The following RNF157 variants were observed in gnomAD, a reference collection of about 807,000 sequenced individuals.
RNF157 encodes ring finger protein 157.
RNF157 carries 55 observed loss-of-function variants against 88.3 expected under a neutral mutation model. That is an observed-to-expected ratio of 0.62 (90% confidence interval 0.50 to 0.78). The LOEUF (loss-of-function observed/expected upper bound fraction) is 0.78, where lower values mean the gene tolerates loss of function less well. Among genes scored for constraint, RNF157 ranks in the 30% least tolerant of loss-of-function variants. The probability of loss-of-function intolerance (pLI) is 0.00; values close to 1 mark genes in which losing one functional copy is unlikely to be tolerated. For missense variants in RNF157, 788 were observed against 860.8 expected, an observed-to-expected ratio of 0.92 and a Z score of 1.06; for synonymous variants, 334 against 341.2, an observed-to-expected ratio of 0.98 and a Z score of 0.23.
intron 1 of RNF157, among the ~76,000 whole-genome samples, chr17:76,230,855 AAAAAGAGAG>A (rs2070175592): frequency 1.1e-5 from 1 of 92,422 alleles, no homozygotes; most frequent in Non-Finnish European, 2.1e-5. Context: ...AAAAAAAAAA[AAAAAGAGAG>A]AGAGAGAGAG....
rs370701115 is a variant in RNF157 at position 76,161,496 on chromosome 17, A to G, written c.1065+39T>C. On this transcript the variant is annotated intron_variant, in intron 11 of 18. Coordinates refer to ENST00000269391, the MANE Select transcript of RNF157 (RefSeq NM_052916.3). This position sits in a 1 kb window ranked among gnomAD's most constrained non-coding sequence, Gnocchi z 4.6. ...AAAAGTTTAAAAAAGCCAATGAGGCATTTGCTTCAGAGGGGCCGTGGTTCC... is the reference window on the plus strand; with the variant it reads ...AAAAGTTTAAAAAAGCCAATGAGGCGTTTGCTTCAGAGGGGCCGTGGTTCC... 24 of 1,474,802 alleles carry G rather than the reference A, an allele frequency of 1.6e-5. No individual in the cohort carries two copies. In the African/African-American group the frequency reaches 3.2e-4, roughly 20 times the overall value. 91.4% of individuals were successfully genotyped at this position (1,474,802 alleles called of 1,614,324 possible).
intron 2 of RNF157, among the ~76,000 whole-genome samples, chr17:76,175,078 C>T (rs923368294): frequency 2.0e-5 from 3 of 152,134 alleles, no homozygotes; most frequent in Admixed American, 6.5e-5. Context: ...TCCATCCGTC[C>T]GTCTATCCAT....
chr17:76,151,088 C>T lies in RNF157; in HGVS notation c.1921+1267G>A, dbSNP rs139683475. Among the ~76,000 whole-genome samples the T allele has an allele frequency of 8.4e-3, 1,275 of 152,314 alleles. 6 individuals carry two copies. Among genetic ancestry groups the T allele is most frequent in the Admixed American group, 0.012 (182 of 15,302 alleles). ...TGGGCCCCAGCAGCTCCAGTCCAGG[C>T]CTAACTGGCAGGAGGCTGGCCCCGT... On this transcript the variant is annotated intron_variant, in intron 18 of 18. Transcript: ENST00000269391.
intron 2 of RNF157, among the ~76,000 whole-genome samples, chr17:76,199,019 C>T (rs1219521022): frequency 6.6e-6 from 1 of 152,214 alleles, no homozygotes; most frequent in Admixed American, 6.5e-5. Context: ...GACTGCATTT[C>T]ATCGGTATTT....
intron 16 of RNF157, 166 bp from the exon 17 acceptor site, chr17:76,154,494 A>C: frequency 1.6e-6 from 1 of 630,594 alleles, no homozygotes; most frequent in Non-Finnish European, 2.9e-6. Context: ...GTAGAGGCAG[A>C]TCTTGCTTGG....
intron 2 of RNF157, among the ~76,000 whole-genome samples, chr17:76,206,033 C>A (rs1478476727): frequency 6.6e-6 from 1 of 152,110 alleles, no homozygotes; most frequent in African/African-American, 2.4e-5. Context: ...AGTTTGAGAC[C>A]AGCCTGGGCT....
At chr17:76,203,475 G>A (rs2069622393) in intron 2 of RNF157, among the ~76,000 whole-genome samples, 1 of 139,292 alleles carries the variant, frequency 7.2e-6, no homozygotes, top group South Asian at 2.3e-4. Context: ...TTTTTGAGAT[G>A]GAGTCTTGCT....
chr17:76,155,353 A>G, intron 15 of RNF157, 36 bp from the exon 16 acceptor site: 1 of 1,605,806 alleles, frequency 6.2e-7, no homozygotes. Flanking sequence ...GCTCTTCCAT[A>G]AAGGTCTCGT....
rs550585055 is a variant in RNF157, at chr17:76,179,170, G to T, written c.208-5380C>A. On this transcript the variant is annotated intron_variant, in intron 2 of 18. Coordinates refer to ENST00000269391, the MANE Select transcript of RNF157 (RefSeq NM_052916.3). ...GCATTTTGGGAGGCTGAGGCAGAAA[G>T]ATCGCTTGAGCTTAGGAGTTTTGAG... Among the ~76,000 whole-genome samples the T allele has an allele frequency of 8.5e-5, 13 of 152,188 alleles. No individual in the cohort carries two copies. In the East Asian group the frequency reaches 2.5e-3, roughly 29 times the overall value.
intron 2 of RNF157, among the ~76,000 whole-genome samples, chr17:76,210,636 CA>C (rs952795770): frequency 3.6e-5 from 5 of 140,528 alleles, no homozygotes; most frequent in African/African-American, 1.3e-4. Flanking sequence ...CAATGAAAAC[CA>C]AAAAAATAAT....
chr17:76,179,513 C>A (rs575312972), intron 2 of RNF157, among the ~76,000 whole-genome samples: 1 of 151,912 alleles, frequency 6.6e-6, no homozygotes, highest in Non-Finnish European at 1.5e-5. Context: ...GCCAACATAG[C>A]GAAACCCCAT....
At chr17:76,145,397 C>A (rs1212510960) in intron 18 of RNF157, 44 bp from the exon 19 acceptor site, 2 of 1,494,714 alleles carry the variant, frequency 1.3e-6, no homozygotes, top group Non-Finnish European at 1.9e-6. Flanking sequence ...GACCTTTGGC[C>A]AAATCCAGAT....
At chr17:76,225,202 CAT>C (rs2070059276) in intron 1 of RNF157, among the ~76,000 whole-genome samples, 2 of 149,680 alleles carry the variant, frequency 1.3e-5, no homozygotes, top group Non-Finnish European at 3.0e-5. Context: ...AAAAATATTA[CAT>C]GTTAGGTGCA....
chr17:76,148,080 C>T (rs1598380656), intron 18 of RNF157, among the ~76,000 whole-genome samples: 1 of 152,022 alleles, frequency 6.6e-6, no homozygotes, highest in Admixed American at 6.6e-5. Flanking sequence ...TTCCTTAGTG[C>T]CCACAAAGTG....
At chr17:76,214,233 C>T (rs2069850814) in intron 1 of RNF157, among the ~76,000 whole-genome samples, 1 of 152,152 alleles carries the variant, frequency 6.6e-6, no homozygotes, top group South Asian at 2.1e-4. Flanking sequence ...GGAGGACACC[C>T]AGCTGGTGTC....
intron 16 of RNF157, chr17:76,154,772 C>A (rs2068736354): frequency 4.3e-6 from 1 of 231,662 alleles, no homozygotes; most frequent in South Asian, 6.8e-5. Flanking sequence ...CGTTCCACAG[C>A]ACACCATGGT....
Position 76,156,256 on chromosome 17 carries a change from C to A in RNF157, c.1479G>T (p.Ser493=), listed in dbSNP as rs781620543. 9 of 1,613,976 alleles carry A rather than the reference C, an allele frequency of 5.6e-6. No homozygotes were observed. The Admixed American group carries it at 1.3e-4, about 24-fold the overall frequency. Reference sequence around the variant, plus strand: ...ATGACAGAGGCGTCCCTGTGCAAGACGACTGGTCAATAGCTCCAGATGACG... The same window carrying A: ...ATGACAGAGGCGTCCCTGTGCAAGAAGACTGGTCAATAGCTCCAGATGACG... ...TLSSSGAIDQ[S]SCTGTPLSST... The change falls in exon 14 of 19, where the codon TCG becomes TCT. Residue 493 remains serine (S), a synonymous_variant. Coordinates refer to ENST00000269391, the MANE Select transcript of RNF157 (RefSeq NM_052916.3).
chr17:76,200,081 C>CA (rs890480009), intron 2 of RNF157, among the ~76,000 whole-genome samples: 52 of 144,644 alleles, frequency 3.6e-4, no homozygotes, highest in East Asian at 1.6e-3. Context: ...ATTAAAAATA[C>CA]AAAAAAAAAA....
intron 2 of RNF157, chr17:76,202,669 G>T: frequency 1.8e-5 from 3 of 164,344 alleles, no homozygotes; most frequent in South Asian, 3.3e-4. Flanking sequence ...AATAGTTCTA[G>T]GGATCTCACC....
Sources: gnomAD v4.1 joint callset for allele counts (sites outside exome capture counted in the v4.1 genomes callset) on GRCh38, gnomAD v4.1.1 for gene constraint, Gnocchi (gnomAD v3.1) non-coding constraint, MANE v1.5 for transcripts, NCBI Gene and HGNC (gene_info 2026-07-23, HGNC 2026-07-21) for gene names.